The following GABRG3 variants were observed in gnomAD, a reference collection of about 807,000 sequenced individuals.
The protein encoded by GABRG3 is gamma-aminobutyric acid type A receptor subunit gamma3.
A neutral mutation model predicts 48.8 loss-of-function variants in GABRG3; 25 were observed. That is an observed-to-expected ratio of 0.51 (90% CI 0.37 to 0.72). GABRG3 has a LOEUF of 0.72. Among genes scored for constraint, GABRG3 ranks in the 30% least tolerant of loss-of-function variants. GABRG3 has a pLI of 0.00. For missense variants in GABRG3, 394 were observed against 577.9 expected (o/e 0.68, Z 3.26); for synonymous variants, 227 against 217.6 (o/e 1.04, Z -0.38).
rs185898232 is a variant in GABRG3, at chr15:27,506,069, C to G, written c.713-13903C>G. On this transcript the variant is annotated intron_variant, in intron 6 of 9. Coordinates refer to ENST00000615808, the MANE Select transcript of GABRG3 (RefSeq NM_033223.5). ...CATTCAGCATTGTTCCCTTACCTTC[C>G]CGTAATGTTGCCCCACTACCTTCAT... Among the ~76,000 whole-genome samples, 3 of 152,222 alleles carry G rather than the reference C, an allele frequency of 2.0e-5. No individual in the cohort carries two copies. The East Asian group carries it at 5.8e-4, about 29-fold the overall frequency.
intron 6 of GABRG3, among the ~76,000 whole-genome samples, chr15:27,513,416 C>G (rs1324116568): frequency 6.6e-6 from 1 of 151,194 alleles, no homozygotes; most frequent in Non-Finnish European, 1.5e-5. Flanking sequence ...CGCCAGTGCA[C>G]TCCAGCCTGG....
At chr15:27,061,207 T>C (rs1371082777) in intron 3 of GABRG3, among the ~76,000 whole-genome samples, 2 of 152,216 alleles carry the variant, frequency 1.3e-5, no homozygotes, top group Non-Finnish European at 2.9e-5. Context: ...GTTTATTGTG[T>C]ACTTTTACGA....
intron 5 of GABRG3, among the ~76,000 whole-genome samples, chr15:27,338,932 A>G (rs1894071502): frequency 6.6e-6 from 1 of 152,148 alleles, no homozygotes; most frequent in African/African-American, 2.4e-5. Context: ...TGGTGTGTGT[A>G]TTATAATAAG....
At chr15:27,258,506 C>G (rs1890685861) in intron 3 of GABRG3, among the ~76,000 whole-genome samples, 1 of 152,124 alleles carries the variant, frequency 6.6e-6, no homozygotes, top group African/African-American at 2.4e-5. Context: ...CTGCACCCTC[C>G]TGGCCTTCTC....
At chr15:26,977,281 A>G (rs1894969565) in intron 2 of GABRG3, 131 bp downstream of exon 2, 2 of 919,422 alleles carry the variant, frequency 2.2e-6, no homozygotes, top group Non-Finnish European at 3.3e-6. Flanking sequence ...CTTGTCACAC[A>G]ATAGATAACT....
chr15:27,170,497 C>T (rs1035485158), intron 3 of GABRG3, among the ~76,000 whole-genome samples: 5 of 152,044 alleles, frequency 3.3e-5, no homozygotes, highest in African/African-American at 1.2e-4. Context: ...AAAGTAGAAA[C>T]TCTAAAATGC....
chr15:27,401,942 T>C (rs1887486373), intron 5 of GABRG3, among the ~76,000 whole-genome samples: 1 of 134,718 alleles, frequency 7.4e-6, no homozygotes, highest in Non-Finnish European at 1.5e-5. Context: ...ATGCAGACAA[T>C]TGGCCACAAG....
chr15:27,243,422 C>T (rs1890186414), intron 3 of GABRG3, among the ~76,000 whole-genome samples: 1 of 152,096 alleles, frequency 6.6e-6, no homozygotes, highest in Non-Finnish European at 1.5e-5. Flanking sequence ...TATCTTCAGG[C>T]ACACCTGAAC....
chr15:27,276,293 A>G (rs777989783), intron 3 of GABRG3, among the ~76,000 whole-genome samples: 4 of 152,220 alleles, frequency 2.6e-5, no homozygotes, highest in Non-Finnish European at 4.4e-5. Context: ...TCTGAGTTGG[A>G]AATGACAGCA....
chr15:27,359,136 C>T (rs1026505966), intron 5 of GABRG3, among the ~76,000 whole-genome samples: 3 of 152,126 alleles, frequency 2.0e-5, no homozygotes, highest in Non-Finnish European at 4.4e-5. Flanking sequence ...GGGAGGCCAC[C>T]CGGCCTCAGG....
At chr15:27,514,866 G>A (rs940318414) in intron 6 of GABRG3, among the ~76,000 whole-genome samples, 1 of 152,258 alleles carries the variant, frequency 6.6e-6, no homozygotes, top group Admixed American at 6.5e-5. Context: ...TGATGGTGTA[G>A]CCACTAATCA....
At chr15:27,449,160 T>A (rs1889033660) in intron 5 of GABRG3, among the ~76,000 whole-genome samples, 1 of 152,192 alleles carries the variant, frequency 6.6e-6, no homozygotes, top group Non-Finnish European at 1.5e-5. Context: ...CACCAATAAG[T>A]GAAGGAAAGG....
At chr15:27,425,950 A>G (rs1888278621) in intron 5 of GABRG3, among the ~76,000 whole-genome samples, 1 of 152,216 alleles carries the variant, frequency 6.6e-6, no homozygotes, top group South Asian at 2.1e-4. Context: ...AGAAGCTGGT[A>G]GAGTGTGGTA....
At chr15:27,170,704 A>T (rs1331201427) in intron 3 of GABRG3, among the ~76,000 whole-genome samples, 1 of 152,242 alleles carries the variant, frequency 6.6e-6, no homozygotes, top group Non-Finnish European at 1.5e-5. Flanking sequence ...TATTTTGAGA[A>T]CATGACAGTG....
chr15:27,296,151 AG>A (rs1891976339), intron 3 of GABRG3, among the ~76,000 whole-genome samples: 1 of 152,198 alleles, frequency 6.6e-6, no homozygotes, highest in African/African-American at 2.4e-5. Flanking sequence ...GAAATACTAA[AG>A]GACATTCTTC....
chr15:27,125,252 T>C (rs1017669447), intron 3 of GABRG3, among the ~76,000 whole-genome samples: 2 of 152,076 alleles, frequency 1.3e-5, no homozygotes, highest in Non-Finnish European at 2.9e-5. Flanking sequence ...CACAGAAAGA[T>C]AAATATTGCA....
Position 27,313,252 on chromosome 15 carries a change from G to A in GABRG3, c.271-13557G>A, listed in dbSNP as rs1297937325. Among the ~76,000 whole-genome samples the A allele has an allele frequency of 2.8e-3, 171 of 60,790 alleles. 9 individuals carry two copies. Among genetic ancestry groups the A allele is most frequent in the African/African-American group, 0.011 (165 of 14,810 alleles). 39.9% of individuals were successfully genotyped at this position (60,790 alleles called of 152,430 possible). A position where few individuals can be genotyped will look rare whatever the true frequency, so the allele number is the denominator to read the frequency against. On this transcript the variant is annotated intron_variant, in intron 3 of 9. Transcript: ENST00000615808. ...CGTATATGTATATATGTGTGTGTGT[G>A]TGTGTGTGTGTATATATATATATAT...
At chr15:27,252,001 T>C (rs1489387931) in intron 3 of GABRG3, among the ~76,000 whole-genome samples, 3 of 152,198 alleles carry the variant, frequency 2.0e-5, no homozygotes, top group Non-Finnish European at 4.4e-5. Flanking sequence ...AAATGATGCA[T>C]GCAGATTCAG....
At chr15:27,420,577 G>A (rs1487916753) in intron 5 of GABRG3, 1 of 152,144 alleles carries the variant, frequency 6.6e-6, no homozygotes, top group Non-Finnish European at 1.5e-5. Flanking sequence ...GTGAGATGAT[G>A]GACATGTTAA....
Sources: allele counts gnomAD v4.1 joint callset (sites outside exome capture counted in the v4.1 genomes callset), GRCh38; gene constraint gnomAD v4.1.1; transcripts MANE v1.5; gene names NCBI Gene and HGNC (gene_info 2026-07-23, HGNC 2026-07-21).